The following STXBP5L variants were observed in gnomAD, a reference collection of about 807,000 sequenced individuals.
The protein encoded by STXBP5L is syntaxin-binding protein 5-like.
Under a neutral mutation model 144.5 loss-of-function variants are expected in STXBP5L, and 65 were observed. That is an observed-to-expected ratio of 0.45 (90% CI 0.37 to 0.55). The LOEUF is 0.55. Ranked by LOEUF, STXBP5L falls within the 20% of genes least tolerant of loss-of-function variation. The pLI, the probability that STXBP5L is intolerant of heterozygous loss-of-function variation, is 0.00. For synonymous variants in STXBP5L, 505 were observed against 469.6 expected (o/e 1.08, Z -0.97); for missense variants, 1,298 against 1,405.5 (o/e 0.92, Z 1.22).
At position 121,378,650 on chromosome 3, in the gene STXBP5L, C is replaced by T. The variant is rs182808568; in HGVS notation, c.2177-66C>T. On this transcript the variant is annotated intron_variant, in intron 20 of 26. Transcript: ENST00000471454. ...GCTCATCTTCATTTGTTAATCTACA[C>T]GCTTGTATTCCTTTGTATTAAGAGT... is the stretch of plus-strand genomic sequence containing the variant. 2.2e-3 allele frequency: 3,196 copies of T among 1,483,264 alleles called. 6 individuals are homozygous for T. Among genetic ancestry groups the T allele is most frequent in the Non-Finnish European group, 2.7e-3 (2,941 of 1,101,722 alleles). The allele number at this position is 1,483,264 out of a possible 1,614,324, so 91.9% of individuals were successfully genotyped here.
intron 3 of STXBP5L, among the ~76,000 whole-genome samples, chr3:120,966,381 A>G (rs1455475832): frequency 6.6e-6 from 1 of 152,170 alleles, no homozygotes; most frequent in East Asian, 1.9e-4. Context: ...TAGAATTTTC[A>G]GCTTTTCTGC....
intron 3 of STXBP5L, among the ~76,000 whole-genome samples, chr3:120,992,858 G>C (rs2107980426): frequency 1.3e-5 from 2 of 152,026 alleles, no homozygotes; most frequent in Non-Finnish European, 2.9e-5. Flanking sequence ...TCTATTTTTA[G>C]CTTTTTGAGG....
intron 3 of STXBP5L, among the ~76,000 whole-genome samples, chr3:120,983,383 C>T (rs916924317): frequency 2.6e-5 from 4 of 152,224 alleles, no homozygotes; most frequent in African/African-American, 7.2e-5. Context: ...CTCTGTCCCA[C>T]AGCAGTGGTG....
At chr3:121,008,522 C>A (rs565690436) in intron 3 of STXBP5L, among the ~76,000 whole-genome samples, 1 of 151,964 alleles carries the variant, frequency 6.6e-6, no homozygotes, top group African/African-American at 2.4e-5. Context: ...TATATTACAA[C>A]TAATGGGGAT....
Position 121,205,031 on chromosome 3 carries a change from T to C in STXBP5L, c.878-892T>C, listed in dbSNP as rs72968007. ...ATTGTCTAATGGAAGTTTTTAAAAA[T>C]GTATTTGATAGAATAATTTTAATAG... On this transcript the variant is annotated intron_variant, in intron 9 of 26. Coordinates refer to ENST00000471454, the MANE Select transcript of STXBP5L (RefSeq NM_001308330.2). Among the ~76,000 whole-genome samples, 379 of 152,328 alleles carry C rather than the reference T, an allele frequency of 2.5e-3. 2 individuals are homozygous for C. Among genetic ancestry groups the C allele is most frequent in the African/African-American group, 8.6e-3 (356 of 41,588 alleles).
chr3:121,383,471 A>G (rs933226495), intron 22 of STXBP5L, among the ~76,000 whole-genome samples: 1 of 152,124 alleles, frequency 6.6e-6, no homozygotes, highest in East Asian at 1.9e-4. Flanking sequence ...AAAGGAAATG[A>G]CAGAAGGGGT....
At chr3:121,114,856 T>A (rs2044162438) in intron 5 of STXBP5L, 69 bp from the exon 6 acceptor site, 1 of 1,117,014 alleles carries the variant, frequency 9.0e-7, no homozygotes, top group South Asian at 1.9e-5. Flanking sequence ...ACATAATACA[T>A]GTAAGGAAAA....
chr3:120,997,408 G>A (rs1559974104), intron 3 of STXBP5L, among the ~76,000 whole-genome samples: 1 of 152,162 alleles, frequency 6.6e-6, no homozygotes. Context: ...ATTGCCATCA[G>A]CAGTGAATAA....
rs879715916 is a variant in STXBP5L at position 121,314,378 on chromosome 3, G to T, written c.2111-4097G>T. 4.1e-4 allele frequency among the ~76,000 whole-genome samples: 55 copies of T among 133,948 alleles called. No homozygotes were observed. The South Asian group carries it at 4.2e-3, about 10-fold the overall frequency. The allele number at this position is 133,948 out of a possible 152,430, so 87.9% of individuals were successfully genotyped here. A position where few individuals can be genotyped will look rare whatever the true frequency, so the allele number is the denominator to read the frequency against. On this transcript the variant is annotated intron_variant, in intron 19 of 26. Transcript: ENST00000471454. The stretch of plus-strand genomic sequence containing the variant: ...AGGCCGAGGCTGGCGGATCACTCGC[G>T]GTTAGGAGCTGGAGACCAGCCCGGC...
chr3:120,953,387 GA>G (rs1937658940), intron 2 of STXBP5L, among the ~76,000 whole-genome samples: 1 of 138,828 alleles, frequency 7.2e-6, no homozygotes, highest in Non-Finnish European at 1.5e-5. Context: ...GGGGCGTAGT[GA>G]CATGATCATG....
At chr3:121,338,938 C>G (rs1436000929) in intron 20 of STXBP5L, among the ~76,000 whole-genome samples, 1 of 152,056 alleles carries the variant, frequency 6.6e-6, no homozygotes, top group Non-Finnish European at 1.5e-5. Context: ...AGCCAAGGGC[C>G]ATACAAATTC....
chr3:121,023,305 A>G (rs1026076355), intron 3 of STXBP5L, among the ~76,000 whole-genome samples: 1 of 152,178 alleles, frequency 6.6e-6, no homozygotes, highest in African/African-American at 2.4e-5. Context: ...GTATTGTGAA[A>G]ATGACTATAC....
At chr3:120,951,293 AT>A (rs1172533226) in intron 2 of STXBP5L, among the ~76,000 whole-genome samples, 1 of 152,216 alleles carries the variant, frequency 6.6e-6, no homozygotes, top group Non-Finnish European at 1.5e-5. Flanking sequence ...AAAAGCCAAA[AT>A]TGACAAATGC....
intron 3 of STXBP5L, among the ~76,000 whole-genome samples, chr3:120,961,787 C>A (rs1298737904): frequency 6.6e-6 from 1 of 152,048 alleles, no homozygotes; most frequent in Non-Finnish European, 1.5e-5. Flanking sequence ...GGGTCTATAC[C>A]CAGTAATGGG....
At chr3:121,400,476 C>T (rs1464760992) in intron 22 of STXBP5L, among the ~76,000 whole-genome samples, 2 of 152,192 alleles carry the variant, frequency 1.3e-5, no homozygotes, top group Non-Finnish European at 2.9e-5. Context: ...GTAGCTAGCA[C>T]TTCCTAGCAA....
chr3:121,093,158 G>T lies in STXBP5L; in HGVS notation c.471-21767G>T, dbSNP rs185804554. The stretch of plus-strand genomic sequence containing the variant: ...TGGTGGAGAAGCTTTTTAATGTGCT[G>T]CTGGATTCGGTTTGCCAGTATTTTA... On this transcript the variant is annotated intron_variant, in intron 5 of 26. Coordinates refer to ENST00000471454, the MANE Select transcript of STXBP5L (RefSeq NM_001308330.2). Among the ~76,000 whole-genome samples the T allele has an allele frequency of 1.6e-3, 244 of 152,322 alleles. 2 individuals carry two copies. Among genetic ancestry groups the T allele is most frequent in the African/African-American group, 5.6e-3 (234 of 41,578 alleles).
chr3:121,100,195 C>A (rs1309459822), intron 5 of STXBP5L, among the ~76,000 whole-genome samples: 5 of 152,108 alleles, frequency 3.3e-5, no homozygotes, highest in Admixed American at 3.3e-4. Flanking sequence ...ATGCTTGAGG[C>A]AGAAAACTTA....
intron 3 of STXBP5L, among the ~76,000 whole-genome samples, chr3:121,010,770 A>G (rs767883378): frequency 6.6e-6 from 1 of 151,928 alleles, no homozygotes; most frequent in Non-Finnish European, 1.5e-5. Flanking sequence ...TATTAAGAAA[A>G]TCATAAGAAA....
At chr3:121,198,254 C>A (rs2047999573) in intron 9 of STXBP5L, among the ~76,000 whole-genome samples, 1 of 152,176 alleles carries the variant, frequency 6.6e-6, no homozygotes, top group Admixed American at 6.5e-5. Context: ...TGATGATGAA[C>A]CTTTTTTCAT....
Sources: gnomAD v4.1 joint callset for allele counts (sites outside exome capture counted in the v4.1 genomes callset) on GRCh38, gnomAD v4.1.1 for gene constraint, MANE v1.5 for transcripts, NCBI Gene and HGNC (gene_info 2026-07-23, HGNC 2026-07-21) for gene names.